TBC1D4: variants seen among roughly 807,000 people sequenced by gnomAD.
The protein encoded by TBC1D4 is TBC (Tre-2, BUB2, CDC16) domain-containing protein.
A neutral mutation model predicts 142.5 loss-of-function variants in TBC1D4; 121 were observed. The ratio of observed to expected loss-of-function variants is 0.85; its 90% CI spans 0.73 to 0.99. TBC1D4 has a LOEUF of 0.99. Among genes scored for constraint, TBC1D4 ranks in the 50% least tolerant of loss-of-function variants. The pLI is 0.00. For missense variants in TBC1D4, 1,475 were observed against 1,606.6 expected, an observed-to-expected ratio of 0.92 and a Z score of 1.40; for synonymous variants, 630 against 628.2, an observed-to-expected ratio of 1.00 and a Z score of -0.04.
intron 2 of TBC1D4, 88 bp downstream of exon 2, chr13:75,361,938 A>T: frequency 7.0e-7 from 1 of 1,425,546 alleles, no homozygotes; most frequent in Non-Finnish European, 9.9e-7. Flanking sequence ...TTCGTTATAT[A>T]GAGGTGGAGC....
At chr13:75,410,370 T>C (rs1390564523) in intron 1 of TBC1D4, among the ~76,000 whole-genome samples, 2 of 152,182 alleles carry the variant, frequency 1.3e-5, no homozygotes, top group African/African-American at 4.8e-5. Context: ...ACAGTGCTTC[T>C]TCTTCTATCT....
intron 9 of TBC1D4, among the ~76,000 whole-genome samples, chr13:75,327,311 G>A (rs761676134): frequency 1.1e-4 from 16 of 151,918 alleles, no homozygotes; most frequent in Non-Finnish European, 1.8e-4. Flanking sequence ...ACTGCACTAC[G>A]CAGGAAACAG....
Position 75,286,962 on chromosome 13 carries a change from T to C in TBC1D4, c.3727A>G (p.Lys1243Glu), listed in dbSNP as rs1223313109. Reference sequence around the variant, plus strand: ...AGGGTCCGGATTAAAGACTTCATTTTGGTCTCTCTCGTCAAAAGATTTTCC... The same window carrying C: ...AGGGTCCGGATTAAAGACTTCATTTCGGTCTCTCTCGTCAAAAGATTTTCC... Reference protein sequence around the residue: ...NLENLLTRETKMKSLIRTLEQ... With the variant: ...NLENLLTRETEMKSLIRTLEQ... Residue 1243 changes from lysine to glutamate, a missense_variant, in exon 21 of 21, where the codon AAA becomes GAA. Lys to Glu is a moderately conservative substitution (Grantham distance 56). This residue lies in a region of TBC1D4 where 248 missense variants were observed against 338.9 expected (regional missense o/e 0.73). Coordinates refer to ENST00000377636, the MANE Select transcript of TBC1D4 (RefSeq NM_014832.5). 4 of 1,613,908 alleles carry C rather than the reference T, an allele frequency of 2.5e-6. No individual in the cohort carries two copies. Among genetic ancestry groups the C allele is most frequent in the East Asian group, 2.2e-5 (1 of 44,890 alleles).
In TBC1D4 at chr13:75,446,081, G is replaced by T. The variant is rs191973728; in HGVS notation, c.498+35189C>A. On this transcript the variant is annotated intron_variant, in intron 1 of 20. Coordinates refer to ENST00000377636, the MANE Select transcript of TBC1D4 (RefSeq NM_014832.5). ...AGCTGAGCAGCGGAAAATGATACTG[G>T]AACATAAGTAGTAGCAGGGGAGACA... Among the ~76,000 whole-genome samples the T allele has an allele frequency of 2.1e-3, 326 of 152,314 alleles. 1 individual carries two copies. Among genetic ancestry groups the T allele is most frequent in the African/African-American group, 7.6e-3 (316 of 41,582 alleles).
At chr13:75,297,769 AAAC>A (rs202120162) in intron 17 of TBC1D4, among the ~76,000 whole-genome samples, 124 of 151,234 alleles carry the variant, frequency 8.2e-4, no homozygotes, top group African/African-American at 2.9e-3. Flanking sequence ...AAAAAAAAAA[AAAC>A]GATAAAAAGA....
chr13:75,355,431 C>G (rs1021792003), intron 4 of TBC1D4, among the ~76,000 whole-genome samples: 1 of 152,160 alleles, frequency 6.6e-6, no homozygotes, highest in East Asian at 1.9e-4. Context: ...ATGTCCAAGC[C>G]TGCCTTACAT....
At chr13:75,460,337 C>A (rs75841438) in intron 1 of TBC1D4, among the ~76,000 whole-genome samples, 4,254 of 152,120 alleles carry the variant, frequency 0.028, 212 homozygotes, top group East Asian at 0.23. Flanking sequence ...AAGGAAGGAA[C>A]AACTTTCATC....
intron 1 of TBC1D4, among the ~76,000 whole-genome samples, chr13:75,464,309 C>G (rs771993812): frequency 2.6e-5 from 4 of 152,150 alleles, no homozygotes; most frequent in Non-Finnish European, 5.9e-5. Context: ...TTTACCGGAA[C>G]GAGGGCAAGG....
chr13:75,478,893 G>A (rs940395915), intron 1 of TBC1D4, among the ~76,000 whole-genome samples: 2 of 152,148 alleles, frequency 1.3e-5, no homozygotes, highest in African/African-American at 4.8e-5. Context: ...AAAAGTGGCC[G>A]CTCATGGATC....
Position 75,475,253 on chromosome 13 carries a change from G to T in TBC1D4, c.498+6017C>A, listed in dbSNP as rs139496135. On this transcript the variant is annotated intron_variant, in intron 1 of 20. Transcript: ENST00000377636. ...TATTCAATTTGTATACATATTTTAT[G>T]CAGACCATATGTCAAGAAAAATCCT... 3.2e-3 allele frequency among the ~76,000 whole-genome samples: 484 copies of T among 152,296 alleles called. 4 individuals carry two copies. The highest frequency in any genetic ancestry group is 5.3e-3 in the Non-Finnish European group (363 of 68,022).
At chr13:75,394,774 G>A (rs1309576986) in intron 1 of TBC1D4, among the ~76,000 whole-genome samples, 1 of 152,204 alleles carries the variant, frequency 6.6e-6, no homozygotes, top group Non-Finnish European at 1.5e-5. Context: ...ATGATTCTGA[G>A]CACTGCAAAT....
At chr13:75,359,881 T>A (rs951220961) in intron 2 of TBC1D4, 23 bp from the exon 3 acceptor site, 2 of 1,567,692 alleles carry the variant, frequency 1.3e-6, no homozygotes, top group Non-Finnish European at 1.8e-6. Flanking sequence ...AGCATTCCAA[T>A]TAATTTCAAT....
At chr13:75,314,372 C>T (rs1878076945) in intron 12 of TBC1D4, among the ~76,000 whole-genome samples, 1 of 152,124 alleles carries the variant, frequency 6.6e-6, no homozygotes, top group African/African-American at 2.4e-5. Flanking sequence ...CAAAGGAACT[C>T]AATAGTGTTG....
intron 1 of TBC1D4, among the ~76,000 whole-genome samples, chr13:75,435,694 C>T (rs1886771037): frequency 6.6e-6 from 1 of 152,110 alleles, no homozygotes; most frequent in Non-Finnish European, 1.5e-5. Flanking sequence ...TACCATTCTC[C>T]ACTAAAAGAA....
chr13:75,435,154 T>C (rs1357374917), intron 1 of TBC1D4, among the ~76,000 whole-genome samples: 1 of 151,948 alleles, frequency 6.6e-6, no homozygotes, highest in East Asian at 1.9e-4. Context: ...CATGTTATAT[T>C]GATTCATACT....
At chr13:75,304,166 C>G (rs489907) in intron 15 of TBC1D4, among the ~76,000 whole-genome samples, 76,272 of 152,058 alleles carry the variant, frequency 0.5, 20,114 homozygotes, top group African/African-American at 0.68. Context: ...TTGAATGAAT[C>G]AATGACAGCA....
At chr13:75,379,662 T>C (rs1249450130) in intron 1 of TBC1D4, among the ~76,000 whole-genome samples, 2 of 152,110 alleles carry the variant, frequency 1.3e-5, no homozygotes, top group Non-Finnish European at 2.9e-5. Context: ...ACTATTAAAA[T>C]ATTTCATGGT....
intron 1 of TBC1D4, among the ~76,000 whole-genome samples, chr13:75,460,855 CA>C (rs766188456): frequency 5.3e-5 from 8 of 152,072 alleles, no homozygotes; most frequent in Non-Finnish European, 7.4e-5. Context: ...CCTGGGAGGT[CA>C]AGGCTGCAGT....
intron 1 of TBC1D4, among the ~76,000 whole-genome samples, chr13:75,405,188 T>C (rs1276097083): frequency 2.6e-5 from 4 of 151,552 alleles, no homozygotes; most frequent in African/African-American, 7.3e-5. Context: ...ATAGTAAACA[T>C]ATAATTTTTG....
Sources: allele counts gnomAD v4.1 joint callset (sites outside exome capture counted in the v4.1 genomes callset), GRCh38; gene constraint gnomAD v4.1.1; regional missense constraint gnomAD v4.1.1; transcripts MANE v1.5; gene names NCBI Gene and HGNC (gene_info 2026-07-23, HGNC 2026-07-21).